The following EEIG2 variants were observed in gnomAD, a reference collection of about 807,000 sequenced individuals.
The protein encoded by EEIG2 is EEIG family member 2.
chr1:108,567,947 C>T, the EEIG2 span, among the ~76,000 whole-genome samples: 1 of 151,774 alleles, frequency 6.6e-6, no homozygotes, highest in Non-Finnish European at 1.5e-5. Flanking sequence ...TGCAATGAGC[C>T]ATGATTACAC....
the EEIG2 span, among the ~76,000 whole-genome samples, chr1:108,584,532 T>C: frequency 1.3e-5 from 2 of 152,198 alleles, no homozygotes; most frequent in Non-Finnish European, 2.9e-5. Context: ...AAGTGAGTCA[T>C]CGCTAGCATA....
chr1:108,572,380 G>A, the EEIG2 span, among the ~76,000 whole-genome samples: 3 of 151,960 alleles, frequency 2.0e-5, no homozygotes, highest in East Asian at 1.9e-4. Flanking sequence ...CTGCCACACG[G>A]TCGTACATTT....
chr1:108,562,280 A>G, the EEIG2 span, among the ~76,000 whole-genome samples: 3 of 152,166 alleles, frequency 2.0e-5, no homozygotes, highest in Admixed American at 1.3e-4. Flanking sequence ...AAGTTTCTGA[A>G]TAGGGAGCTT....
chr1:108,567,230 A>G, the EEIG2 span, among the ~76,000 whole-genome samples: 2 of 152,186 alleles, frequency 1.3e-5, no homozygotes, highest in African/African-American at 4.8e-5. Context: ...ACATTATTAT[A>G]ATACCTGTAA....
the EEIG2 span, chr1:108,627,145 G>A: frequency 1.3e-5 from 2 of 152,192 alleles, no homozygotes; most frequent in African/African-American, 4.8e-5. Flanking sequence ...GATGACTTAA[G>A]ATCTGGGCCA....
At chr1:108,584,466 T>G in the EEIG2 span, among the ~76,000 whole-genome samples, 3 of 152,182 alleles carry the variant, frequency 2.0e-5, no homozygotes, top group Admixed American at 2.0e-4. Flanking sequence ...CTTACTGAAA[T>G]GAGGAACTAC....
At chr1:108,576,342 T>A in the EEIG2 span, among the ~76,000 whole-genome samples, 4 of 151,476 alleles carry the variant, frequency 2.6e-5, no homozygotes, top group Non-Finnish European at 5.9e-5. Flanking sequence ...CATGTGCACA[T>A]TGTGCAGGTT....
the EEIG2 span, chr1:108,628,501 A>G: frequency 1.2e-6 from 2 of 1,614,174 alleles, no homozygotes; most frequent in Non-Finnish European, 1.7e-6. Context: ...TTCTAGAGCC[A>G]TGTGATGAAA....
chr1:108,611,500 G>A, the EEIG2 span, among the ~76,000 whole-genome samples: 28 of 152,316 alleles, frequency 1.8e-4, no homozygotes, highest in Admixed American at 9.1e-4. Flanking sequence ...ACATCTGACA[G>A]CAGCAGAGAG....
chr1:108,602,194 A>G, the EEIG2 span, among the ~76,000 whole-genome samples: 1 of 152,192 alleles, frequency 6.6e-6, no homozygotes, highest in African/African-American at 2.4e-5. Context: ...AGGCCATTCT[A>G]AAAGAGTAGG....
the EEIG2 span, among the ~76,000 whole-genome samples, chr1:108,604,802 G>A: frequency 1.3e-5 from 2 of 148,852 alleles, no homozygotes; most frequent in African/African-American, 5.0e-5. Context: ...GCCGAGGAAT[G>A]AGGACTGCTT....
At chr1:108,560,502 A>G in the EEIG2 span, 680 of 1,612,928 alleles carry the variant, frequency 4.2e-4, 3 homozygotes, top group Non-Finnish European at 4.9e-4. Flanking sequence ...CCCTTCGTCA[A>G]TGGGGTCCTC....
chr1:108,605,028 G>T, the EEIG2 span, among the ~76,000 whole-genome samples: 1 of 152,160 alleles, frequency 6.6e-6, no homozygotes, highest in Admixed American at 6.5e-5. Flanking sequence ...GGTTGATAGA[G>T]AGAGACCCTG....
the EEIG2 span, among the ~76,000 whole-genome samples, chr1:108,583,782 A>G: frequency 2.6e-5 from 4 of 152,238 alleles, no homozygotes; most frequent in African/African-American, 9.6e-5. Flanking sequence ...CCACCGGGAC[A>G]AGATAATAAA....
chr1:108,568,957 G>GGAGGA, the EEIG2 span, among the ~76,000 whole-genome samples: 1 of 152,160 alleles, frequency 6.6e-6, no homozygotes, highest in African/African-American at 2.4e-5. Flanking sequence ...TAGAATAAAG[G>GGAGGA]GAGGAGAGGA....
At chr1:108,614,209 A>T in the EEIG2 span, among the ~76,000 whole-genome samples, 4 of 149,106 alleles carry the variant, frequency 2.7e-5, no homozygotes, top group Admixed American at 6.7e-5. Flanking sequence ...CATCTCTAAA[A>T]AAAAAAAAAA....
At chr1:108,610,430 C>T in the EEIG2 span, among the ~76,000 whole-genome samples, 3 of 152,018 alleles carry the variant, frequency 2.0e-5, no homozygotes, top group South Asian at 2.1e-4. Flanking sequence ...TTTAATTTTC[C>T]GATTGAAATA....
the EEIG2 span, among the ~76,000 whole-genome samples, chr1:108,611,507 A>G: frequency 6.6e-6 from 1 of 152,198 alleles, no homozygotes; most frequent in Non-Finnish European, 1.5e-5. Flanking sequence ...ACAGCAGCAG[A>G]GAGGGTTGAT....
chr1:108,561,834 G>A, the EEIG2 span, among the ~76,000 whole-genome samples: 3 of 152,204 alleles, frequency 2.0e-5, no homozygotes, highest in African/African-American at 7.2e-5. Flanking sequence ...TCCTGTTGGT[G>A]CAGGTGACAG....
Sources: gnomAD v4.1 joint callset for allele counts (sites outside exome capture counted in the v4.1 genomes callset) on GRCh38, gnomAD v4.1.1 for gene constraint, MANE v1.5 for transcripts, NCBI Gene and HGNC (gene_info 2026-07-23, HGNC 2026-07-21) for gene names.